SPATA13: variants seen among roughly 807,000 people sequenced by gnomAD.
The protein encoded by SPATA13 is spermatogenesis associated 13.
A neutral mutation model predicts 104.0 loss-of-function variants in SPATA13; 50 were observed. That is an observed-to-expected ratio of 0.48 (90% CI 0.38 to 0.61). The LOEUF (loss-of-function observed/expected upper bound fraction) is 0.61. SPATA13 is among the 20% of genes least tolerant of loss of function. SPATA13 has a pLI of 0.00. For synonymous variants in SPATA13, 606 were observed against 667.5 expected (o/e 0.91, Z 1.42); for missense variants, 1,524 against 1,690.6 (o/e 0.90, Z 1.73).
chr13:24,230,752 C>T (rs1244722429), intron 2 of SPATA13, among the ~76,000 whole-genome samples: 1 of 152,158 alleles, frequency 6.6e-6, no homozygotes, highest in East Asian at 1.9e-4. Context: ...TGCAGAACTT[C>T]TGTACAGGGT....
intron 4 of SPATA13, among the ~76,000 whole-genome samples, chr13:24,252,476 G>A (rs1873547835): frequency 6.6e-6 from 1 of 152,034 alleles, no homozygotes; most frequent in African/African-American, 2.4e-5. Flanking sequence ...CCATCTTTTG[G>A]GGGGACACAA....
At chr13:24,098,932 A>G (rs1257176666) in intron 3 of SPATA13, among the ~76,000 whole-genome samples, 1 of 151,664 alleles carries the variant, frequency 6.6e-6, no homozygotes, top group Non-Finnish European at 1.5e-5. Flanking sequence ...TCTCAAAAAA[A>G]AAAAAAAAAA....
intron 5 of SPATA13, among the ~76,000 whole-genome samples, chr13:24,285,835 C>T (rs944742628): frequency 1.3e-5 from 2 of 152,148 alleles, no homozygotes; most frequent in African/African-American, 4.8e-5. Flanking sequence ...AGCCCACCAC[C>T]ACGCCTGGCT....
At chr13:24,115,267 A>G (rs1053401530) in intron 3 of SPATA13, among the ~76,000 whole-genome samples, 2 of 152,218 alleles carry the variant, frequency 1.3e-5, no homozygotes, top group Non-Finnish European at 2.9e-5. Flanking sequence ...GACTCTAGCC[A>G]TGTCCATGAC....
intron 3 of SPATA13, among the ~76,000 whole-genome samples, chr13:24,061,071 C>T (rs1411543918): frequency 1.3e-5 from 2 of 152,148 alleles, no homozygotes; most frequent in East Asian, 3.9e-4. Context: ...ATGACATGAA[C>T]AGACACTTTT....
At chr13:24,204,840 C>T (rs1870615368) in intron 1 of SPATA13, among the ~76,000 whole-genome samples, 1 of 152,130 alleles carries the variant, frequency 6.6e-6, no homozygotes, top group South Asian at 2.1e-4. Context: ...TTTCCTTATC[C>T]ATTTATCAAT....
chr13:24,238,121 GTTC>G (rs1872661273), intron 2 of SPATA13, among the ~76,000 whole-genome samples: 2 of 109,212 alleles, frequency 1.8e-5, no homozygotes, highest in East Asian at 2.8e-4. Flanking sequence ...GCCCAAACCA[GTTC>G]TTCTTGACTT....
rs543369711 is a variant in SPATA13 at position 24,286,644 on chromosome 13, C to T, written c.2482-121C>T. The stretch of plus-strand genomic sequence containing the variant: ...CCCTGCTGAGGCCATGAGACTCAGG[C>T]GAGGGCCAGGCTGCCTTCCTAACAG... On this transcript the variant is annotated intron_variant, in intron 6 of 12. Transcript: ENST00000382108. This position sits in a 1 kb window ranked among gnomAD's most constrained non-coding sequence, Gnocchi z 4.9. 26 of 986,410 alleles carry T rather than the reference C, an allele frequency of 2.6e-5. No individual in the cohort carries two copies. In the East Asian group the frequency reaches 5.8e-4, roughly 22 times the overall value. The allele number at this position is 986,410 out of a possible 1,614,324, so 61.1% of individuals were successfully genotyped here.
chr13:24,275,842 G>A (rs969535312), intron 4 of SPATA13, among the ~76,000 whole-genome samples: 1 of 152,208 alleles, frequency 6.6e-6, no homozygotes, highest in Non-Finnish European at 1.5e-5. Context: ...TCTTAGGCAG[G>A]AGAATCTCTG....
chr13:24,266,796 CTTTTTTT>C (rs879642011), intron 4 of SPATA13, among the ~76,000 whole-genome samples: 1 of 145,424 alleles, frequency 6.9e-6, no homozygotes, highest in Non-Finnish European at 1.5e-5. Context: ...TTTCTTTTTT[CTTTTTTT>C]TTTTCCAAGT....
At chr13:24,201,847 T>G (rs1870425053) in intron 1 of SPATA13, among the ~76,000 whole-genome samples, 1 of 152,202 alleles carries the variant, frequency 6.6e-6, no homozygotes, top group East Asian at 1.9e-4. Context: ...CCCCTGTGCT[T>G]CACCTGTTCA....
chr13:24,123,616 T>C, intron 3 of SPATA13: 4 of 1,606,428 alleles, frequency 2.5e-6, no homozygotes, highest in Non-Finnish European at 3.4e-6. Context: ...AACAAAAGTG[T>C]CTGGGCAGCA....
chr13:24,038,788 C>T (rs749987063), intron 3 of SPATA13, among the ~76,000 whole-genome samples: 10 of 152,042 alleles, frequency 6.6e-5, no homozygotes, highest in Non-Finnish European at 1.3e-4. Flanking sequence ...CTCACTAGGA[C>T]GCAGGAGTTA....
At chr13:24,105,566 A>G (rs1205393178) in intron 3 of SPATA13, among the ~76,000 whole-genome samples, 1 of 152,090 alleles carries the variant, frequency 6.6e-6, no homozygotes, top group Non-Finnish European at 1.5e-5. Context: ...GAATGAGTGG[A>G]AAAAGAAAAG....
Position 24,030,058 on chromosome 13 carries a change from A to ACACGCG in SPATA13, c.-112+12360_-112+12361insGCGCAC, listed in dbSNP as rs1425288059. On this transcript the variant is annotated intron_variant, in intron 3 of 14. Coordinates refer to the SPATA13 transcript ENST00000424834. ...CCCTACCTTCTCCTAACACACACACACACACACGCACACACACACACACAC... is the reference window on the plus strand; with the variant it reads ...CCCTACCTTCTCCTAACACACACACACACGCGCACACACGCACACACACACACACAC... Among the ~76,000 whole-genome samples the ACACGCG allele has an allele frequency of 5.7e-5, 8 of 140,062 alleles. 1 individual carries two copies. In the Admixed American group the frequency reaches 6.0e-4, roughly 11 times the overall value. The allele number at this position is 140,062 out of a possible 152,430, so 91.9% of individuals were successfully genotyped here. A position where few individuals can be genotyped will look rare whatever the true frequency, so the allele number is the denominator to read the frequency against.
intron 2 of SPATA13, chr13:24,017,645 A>C (rs1876779361): frequency 1.0e-6 from 1 of 985,252 alleles, no homozygotes; most frequent in Admixed American, 6.1e-5. Flanking sequence ...GCACTAAAAC[A>C]ACTCATTTTT....
At chr13:24,150,934 T>A (rs1351415453) in intron 3 of SPATA13, among the ~76,000 whole-genome samples, 1 of 152,186 alleles carries the variant, frequency 6.6e-6, no homozygotes, top group Non-Finnish European at 1.5e-5. Flanking sequence ...GCTGTTTGAC[T>A]GGGCGCCATG....
chr13:24,086,451 G>A (rs1879722630), intron 3 of SPATA13, among the ~76,000 whole-genome samples: 1 of 152,074 alleles, frequency 6.6e-6, no homozygotes, highest in Non-Finnish European at 1.5e-5. Context: ...CTGCTCATAG[G>A]GAAACGTGGG....
chr13:24,015,056 A>T (rs1241458781), intron 2 of SPATA13, among the ~76,000 whole-genome samples: 2 of 151,774 alleles, frequency 1.3e-5, no homozygotes, highest in African/African-American at 4.8e-5. Flanking sequence ...ACGCCTGGCT[A>T]ATTTTTTTGT....
Sources: allele counts gnomAD v4.1 joint callset (sites outside exome capture counted in the v4.1 genomes callset), GRCh38; gene constraint gnomAD v4.1.1; non-coding constraint Gnocchi (gnomAD v3.1); transcripts MANE v1.5; gene names NCBI Gene and HGNC (gene_info 2026-07-23, HGNC 2026-07-21).